The following CTNNA2 variants were observed in gnomAD, a reference collection of about 807,000 sequenced individuals.
The protein encoded by CTNNA2 is catenin alpha 2, also known as catenin alpha-2.
In CTNNA2, 42 loss-of-function variants were observed where a neutral mutation model predicts 101.0. The ratio of observed to expected loss-of-function variants is 0.42; its 90% CI spans 0.32 to 0.54. The LOEUF is 0.54. CTNNA2 is among the 20% of genes least tolerant of loss of function. The pLI is 0.14. For synonymous variants in CTNNA2, 450 were observed against 456.4 expected, an observed-to-expected ratio of 0.99 and a Z score of 0.18; for missense variants, 871 against 1,223.1, an observed-to-expected ratio of 0.71 and a Z score of 4.29.
intron 9 of CTNNA2, among the ~76,000 whole-genome samples, chr2:80,483,426 T>A (rs929580095): frequency 3.0e-4 from 46 of 151,038 alleles, no homozygotes; most frequent in African/African-American, 1.1e-3. Flanking sequence ...GATTATTTAT[T>A]GTGCATCAAA....
intron 18 of CTNNA2, among the ~76,000 whole-genome samples, chr2:80,637,834 A>G (rs532468457): frequency 1.1e-3 from 173 of 152,260 alleles, no homozygotes; most frequent in Non-Finnish European, 2.1e-3. Flanking sequence ...CCTGCACCCA[A>G]ACCGCAGCCT....
At chr2:79,876,510 C>A (rs533870872) in intron 6 of CTNNA2, among the ~76,000 whole-genome samples, 26 of 152,110 alleles carry the variant, frequency 1.7e-4, no homozygotes, top group Middle Eastern at 3.4e-3. Flanking sequence ...ATTTTATAAT[C>A]AAAAATAAAC....
chr2:79,697,210 TTTAA>T (rs1249030623), intron 2 of CTNNA2, among the ~76,000 whole-genome samples: 26 of 152,094 alleles, frequency 1.7e-4, no homozygotes, highest in Admixed American at 4.6e-4. Context: ...AAATGTTAAG[TTTAA>T]TTAGAGTGTG....
At chr2:79,356,941 G>A (rs1677521635) in intron 3 of CTNNA2, among the ~76,000 whole-genome samples, 1 of 152,126 alleles carries the variant, frequency 6.6e-6, no homozygotes, top group African/African-American at 2.4e-5. Flanking sequence ...GAAAATGGAT[G>A]ACAAAATGGA....
At chr2:79,879,462 T>C (rs747845764) in intron 6 of CTNNA2, among the ~76,000 whole-genome samples, 1 of 152,184 alleles carries the variant, frequency 6.6e-6, no homozygotes, top group Non-Finnish European at 1.5e-5. Context: ...GTTGGAATGT[T>C]TTTCCATTTT....
exon 4 of CTNNA2, chr2:79,373,893 C>G (rs1677927091): frequency 6.6e-6 from 1 of 152,110 alleles, no homozygotes; most frequent in Admixed American, 6.6e-5. Flanking sequence ...ATTTAAGTCT[C>G]AGAGCCAGCA....
chr2:80,312,753 T>A (rs1361434551), intron 7 of CTNNA2, among the ~76,000 whole-genome samples: 4 of 152,216 alleles, frequency 2.6e-5, no homozygotes, highest in Non-Finnish European at 4.4e-5. Flanking sequence ...ATTTTACAGA[T>A]GTTGGAAATT....
At chr2:80,102,790 A>G (rs1211000303) in intron 7 of CTNNA2, among the ~76,000 whole-genome samples, 5 of 152,084 alleles carry the variant, frequency 3.3e-5, no homozygotes, top group African/African-American at 1.2e-4. Flanking sequence ...GGGATTTCAG[A>G]TGTGAGCCAC....
At chr2:80,452,686 G>A (rs530021639) in intron 9 of CTNNA2, among the ~76,000 whole-genome samples, 1 of 151,626 alleles carries the variant, frequency 6.6e-6, no homozygotes, top group South Asian at 2.1e-4. Flanking sequence ...GGTTGGGTTG[G>A]GGAAAACCAG....
chr2:80,379,973 C>T (rs965532631), intron 7 of CTNNA2, among the ~76,000 whole-genome samples: 3 of 150,416 alleles, frequency 2.0e-5, no homozygotes, highest in South Asian at 2.1e-4. Flanking sequence ...ACCTAAGTTA[C>T]GTAAAAGTTT....
intron 17 of CTNNA2, among the ~76,000 whole-genome samples, chr2:80,611,118 A>C (rs1486109300): frequency 6.6e-6 from 1 of 151,664 alleles, no homozygotes; most frequent in Non-Finnish European, 1.5e-5. Context: ...CCGGTTACTA[A>C]GGGAGTAATG....
intron 4 of CTNNA2, among the ~76,000 whole-genome samples, chr2:79,465,308 AT>A (rs1558672931): frequency 1.3e-5 from 2 of 152,046 alleles, no homozygotes; most frequent in South Asian, 2.1e-4. Flanking sequence ...GTGTCATATT[AT>A]TTTTGAGGGC....
intron 2 of CTNNA2, among the ~76,000 whole-genome samples, chr2:79,231,900 C>G (rs1674497905): frequency 6.6e-6 from 1 of 152,086 alleles, no homozygotes; most frequent in Admixed American, 6.5e-5. Flanking sequence ...CTTTCTATAG[C>G]TGATCTTGTA....
intron 9 of CTNNA2, among the ~76,000 whole-genome samples, chr2:80,451,432 C>T (rs1683496949): frequency 6.6e-6 from 1 of 152,140 alleles, no homozygotes; most frequent in Non-Finnish European, 1.5e-5. Context: ...GCCTCCCCAG[C>T]CCTGTGGAAC....
chr2:80,057,937 C>A (rs1697335029), intron 7 of CTNNA2, among the ~76,000 whole-genome samples: 1 of 152,036 alleles, frequency 6.6e-6, no homozygotes, highest in South Asian at 2.1e-4. Context: ...GAAACAATAC[C>A]TTTCATACTA....
chr2:79,795,015 G>T (rs1204990106), intron 3 of CTNNA2, among the ~76,000 whole-genome samples: 3 of 152,170 alleles, frequency 2.0e-5, no homozygotes, highest in Non-Finnish European at 1.5e-5. Flanking sequence ...TTATGAATCA[G>T]TCTAACTGTG....
At chr2:80,118,574 A>T (rs1218750852) in intron 7 of CTNNA2, among the ~76,000 whole-genome samples, 1 of 152,246 alleles carries the variant, frequency 6.6e-6, no homozygotes, top group African/African-American at 2.4e-5. Flanking sequence ...TGTGAAATTC[A>T]TGGAAAATGC....
intron 2 of CTNNA2, among the ~76,000 whole-genome samples, chr2:79,279,876 C>T (rs1675316361): frequency 6.6e-6 from 1 of 152,046 alleles, no homozygotes; most frequent in Non-Finnish European, 1.5e-5. Context: ...GCCCATCTCC[C>T]CAGAACATTC....
chr2:79,550,289 C>T lies in CTNNA2; in HGVS notation c.-6+37082C>T, dbSNP rs76096781. Among the ~76,000 whole-genome samples the T allele has an allele frequency of 3.2e-3, 486 of 152,276 alleles. 1 individual carries two copies. Among genetic ancestry groups the T allele is most frequent in the African/African-American group, 0.011 (462 of 41,540 alleles). On this transcript the variant is annotated intron_variant, in intron 1 of 18. Coordinates refer to ENST00000402739, the MANE Select transcript of CTNNA2 (RefSeq NM_001282597.3). Reference sequence around the variant, plus strand: ...TTTTGAGGTAAAAGGGCTAGAACTTCGGACCTTTAAATTGAGCAGTCACTG... The same window carrying T: ...TTTTGAGGTAAAAGGGCTAGAACTTTGGACCTTTAAATTGAGCAGTCACTG...
Sources: allele counts gnomAD v4.1 joint callset (sites outside exome capture counted in the v4.1 genomes callset), GRCh38; gene constraint gnomAD v4.1.1; transcripts MANE v1.5; gene names NCBI Gene and HGNC (gene_info 2026-07-23, HGNC 2026-07-21).